RAD18: variants seen among roughly 807,000 people sequenced by gnomAD.
RAD18 encodes RAD18 E3 ubiquitin protein ligase, also known as E3 ubiquitin-protein ligase RAD18.
RAD18 carries 47 observed loss-of-function variants against 60.4 expected under a neutral mutation model. The ratio of observed to expected loss-of-function variants is 0.78; its 90% CI spans 0.62 to 0.99. RAD18 has a LOEUF of 0.99. Among genes scored for constraint, RAD18 ranks in the 50% least tolerant of loss-of-function variants. The pLI is 0.00. For missense variants in RAD18, 640 were observed against 593.3 expected (o/e 1.08, Z -0.82); for synonymous variants, 225 against 195.5 (o/e 1.15, Z -1.26).
At chr3:8,918,901 T>C (rs1296494740) in intron 7 of RAD18, among the ~76,000 whole-genome samples, 1 of 152,116 alleles carries the variant, frequency 6.6e-6, no homozygotes, top group African/African-American at 2.4e-5. Flanking sequence ...AGTGGAAGCC[T>C]AGTGAGGAGC....
chr3:8,936,035 G>T lies in RAD18; in HGVS notation c.725C>A (p.Pro242Gln). The T allele has an allele frequency of 1.3e-6, 2 of 1,590,830 alleles. No homozygotes were observed. Among genetic ancestry groups the T allele is most frequent in the Non-Finnish European group, 8.5e-7 (1 of 1,170,348 alleles). The stretch of plus-strand genomic sequence containing the variant: ...CAAATTATATACAGTTTTGGGCAGC[G>T]GCTTCCTTTTGTGAACAGAACTGAA... Reference protein sequence around the residue: ...SLRSSVHKRKPLPKTVYNLLS... With the variant: ...SLRSSVHKRKQLPKTVYNLLS... Residue 242 changes from proline to glutamine, a missense_variant, in exon 7 of 13, where the codon CCG (proline) becomes CAG (glutamine). Physicochemically the swap from Pro to Gln is moderately conservative, Grantham distance 76. Coordinates refer to ENST00000264926, the MANE Select transcript of RAD18 (RefSeq NM_020165.4).
chr3:8,892,184 A>G (rs1939702289), intron 11 of RAD18, among the ~76,000 whole-genome samples: 1 of 152,178 alleles, frequency 6.6e-6, no homozygotes, highest in African/African-American at 2.4e-5. Flanking sequence ...AAGCCTACAC[A>G]ACTGCAGCTT....
In RAD18 at chr3:8,936,070, A is replaced by T; in HGVS notation, c.705-15T>A. 6.7e-7 allele frequency: 1 copy of T among 1,484,648 alleles called. No homozygotes were observed. Among genetic ancestry groups the T allele is most frequent in the South Asian group, 1.4e-5 (1 of 72,802 alleles). The allele number at this position is 1,484,648 out of a possible 1,614,324, so 92.0% of individuals were successfully genotyped here. A position where few individuals can be genotyped will look rare whatever the true frequency, so the allele number is the denominator to read the frequency against. On this transcript the variant is annotated splice_polypyrimidine_tract_variant and intron_variant, in intron 6 of 12. Transcript: ENST00000264926. ...TGTGAACAGAACTGAAAAGGGGGGA[A>T]GATACCTGATGATTATTGTGAATTA...
intron 4 of RAD18, among the ~76,000 whole-genome samples, chr3:8,946,067 A>C (rs1940835397): frequency 6.6e-6 from 1 of 150,894 alleles, no homozygotes; most frequent in Admixed American, 6.6e-5. Context: ...TAAGGGCCTT[A>C]GGCCTTCACA....
intron 7 of RAD18, among the ~76,000 whole-genome samples, chr3:8,913,930 C>A (rs543913010): frequency 2.7e-5 from 4 of 150,770 alleles, no homozygotes; most frequent in Admixed American, 2.0e-4. Flanking sequence ...TGAACTCTTA[C>A]ACATGCACAT....
chr3:8,910,922 T>A (rs1940095547), intron 9 of RAD18, among the ~76,000 whole-genome samples: 1 of 152,208 alleles, frequency 6.6e-6, no homozygotes, highest in Non-Finnish European at 1.5e-5. Flanking sequence ...AGTTGTTACC[T>A]CTAGGGAATG....
In RAD18 at chr3:8,879,043, TA is replaced by T. The variant is rs1299292794; in HGVS notation, c.*2313del. 1 of 152,224 alleles carries T rather than the reference TA, an allele frequency of 6.6e-6. No individual in the cohort carries two copies. Among genetic ancestry groups the T allele is most frequent in the Non-Finnish European group, 1.5e-5 (1 of 68,046 alleles). The allele number at this position is 152,224 out of a possible 1,614,324, so 9.4% of individuals were successfully genotyped here. On this transcript the variant is annotated 3_prime_UTR_variant, in exon 13 of 13. Transcript: ENST00000264926. ...TCTTTCAATGTATGAATATTAAACA[TA>T]TGCTAAGTGCTAACAGATAGTGCTC...
chr3:8,890,522 A>G, intron 11 of RAD18, 71 bp from the exon 12 acceptor site: 1 of 1,222,250 alleles, frequency 8.2e-7, no homozygotes, highest in East Asian at 2.3e-5. Flanking sequence ...ATAAAATTCT[A>G]GAAAAAAACA....
intron 7 of RAD18, among the ~76,000 whole-genome samples, chr3:8,922,160 C>T (rs1940333671): frequency 6.6e-6 from 1 of 152,172 alleles, no homozygotes; most frequent in Non-Finnish European, 1.5e-5. Context: ...CGGGGAAGCA[C>T]AAGGGGTCAG....
chr3:8,922,568 G>C (rs904346144), intron 7 of RAD18, among the ~76,000 whole-genome samples: 1 of 152,238 alleles, frequency 6.6e-6, no homozygotes, highest in African/African-American at 2.4e-5. Flanking sequence ...GAAGACAGCA[G>C]TGGTTCTTCC....
rs1215788501 is a variant in RAD18 at position 8,941,726 on chromosome 3, T to C, written c.345A>G (p.Lys115=). ...GTCTGGAGGCTACAGGAGTATATAC[T>C]TTGACAGCAAGATTCTTTGAAGAGG... The part of the protein sequence containing the change: ...ASSSSKNLAV[K]VYTPVASRQS... The change falls in exon 5 of 13, where the codon AAA becomes AAG. Residue 115 remains lysine (K), a synonymous_variant. Coordinates refer to ENST00000264926, the MANE Select transcript of RAD18 (RefSeq NM_020165.4). 1 of 1,614,174 alleles carries C rather than the reference T, an allele frequency of 6.2e-7. No individual in the cohort carries two copies. The highest frequency in any genetic ancestry group is 1.1e-5 in the South Asian group (1 of 91,084).
chr3:8,927,116 G>A lies in RAD18; in HGVS notation c.889+8755C>T, dbSNP rs534921386. ...GCAAAAGAAACTACCATCAGAGTGA[G>A]CAGGCAACCTACAGAATGGGAGAAA... On this transcript the variant is annotated intron_variant, in intron 7 of 12. Coordinates refer to ENST00000264926, the MANE Select transcript of RAD18 (RefSeq NM_020165.4). Among the ~76,000 whole-genome samples the A allele has an allele frequency of 5.3e-5, 8 of 152,182 alleles. No individual in the cohort carries two copies. In the East Asian group the frequency reaches 5.8e-4, roughly 11 times the overall value.
intron 1 of RAD18, among the ~76,000 whole-genome samples, chr3:8,962,023 T>G (rs1941101398): frequency 6.6e-6 from 1 of 152,232 alleles, no homozygotes; most frequent in African/African-American, 2.4e-5. Context: ...GAATGCTTAC[T>G]ACATTCCAGA....
intron 2 of RAD18, among the ~76,000 whole-genome samples, chr3:8,953,476 C>G (rs776166302): frequency 6.6e-6 from 1 of 152,114 alleles, no homozygotes; most frequent in Non-Finnish European, 1.5e-5. Flanking sequence ...CAAATATGTA[C>G]TGGTAAGCTG....
At chr3:8,920,829 A>T (rs547535156) in intron 7 of RAD18, among the ~76,000 whole-genome samples, 7 of 152,338 alleles carry the variant, frequency 4.6e-5, no homozygotes, top group African/African-American at 1.4e-4. Flanking sequence ...AAAGAGATTG[A>T]AAAGATATTA....
chr3:8,908,937 T>C (rs1940060221), intron 9 of RAD18, among the ~76,000 whole-genome samples: 1 of 152,182 alleles, frequency 6.6e-6, no homozygotes, highest in Non-Finnish European at 1.5e-5. Flanking sequence ...ATGAATGGAA[T>C]AGTACTACGA....
chr3:8,945,416 T>C (rs1385433862), intron 4 of RAD18, among the ~76,000 whole-genome samples: 21 of 151,976 alleles, frequency 1.4e-4, no homozygotes, highest in Non-Finnish European at 2.6e-4. Context: ...AAGTGACATC[T>C]TGATAATCCT....
At chr3:8,887,774 A>G (rs1411046814) in intron 12 of RAD18, among the ~76,000 whole-genome samples, 1 of 152,188 alleles carries the variant, frequency 6.6e-6, no homozygotes, top group East Asian at 1.9e-4. Flanking sequence ...TGTGTTTCCT[A>G]TATATTATGA....
intron 4 of RAD18, among the ~76,000 whole-genome samples, chr3:8,945,914 A>G (rs1161783): frequency 0.57 from 87,028 of 152,192 alleles, 27,495 homozygotes; most frequent in Middle Eastern, 0.73. Flanking sequence ...AAGTGTTATT[A>G]CAAAAGAGTC....
Sources: gnomAD v4.1 joint callset for allele counts (sites outside exome capture counted in the v4.1 genomes callset) on GRCh38, gnomAD v4.1.1 for gene constraint, MANE v1.5 for transcripts, NCBI Gene and HGNC (gene_info 2026-07-23, HGNC 2026-07-21) for gene names.